EPB41: variants seen among roughly 807,000 people sequenced by gnomAD.
EPB41 encodes the protein erythrocyte membrane protein band 4.1.
A neutral mutation model predicts 108.0 loss-of-function variants in EPB41; 65 were observed. The observed-to-expected ratio is 0.60, with a 90% CI of 0.49 to 0.74. The LOEUF is 0.74. EPB41 is among the 30% of genes least tolerant of loss of function. The pLI, the probability that EPB41 is intolerant of heterozygous loss-of-function variation, is 0.00. For missense variants in EPB41, 875 were observed against 1,037.0 expected, an observed-to-expected ratio of 0.84 and a Z score of 2.15; for synonymous variants, 336 against 358.9, an observed-to-expected ratio of 0.94 and a Z score of 0.72.
At chr1:29,086,519 G>A (rs192301231) in intron 16 of EPB41, among the ~76,000 whole-genome samples, 63 of 152,026 alleles carry the variant, frequency 4.1e-4, no homozygotes, top group African/African-American at 1.4e-3. Flanking sequence ...TGATCCACCC[G>A]CCTCAGCCTC....
intron 1 of EPB41, among the ~76,000 whole-genome samples, chr1:28,906,435 C>T (rs957046011): frequency 6.6e-6 from 1 of 152,140 alleles, no homozygotes; most frequent in African/African-American, 2.4e-5. Context: ...GTTCCCTCCC[C>T]TAGTAAGAGA....
intron 17 of EPB41, among the ~76,000 whole-genome samples, chr1:29,109,071 G>A (rs1375150200): frequency 6.6e-6 from 1 of 151,856 alleles, no homozygotes; most frequent in Non-Finnish European, 1.5e-5. Flanking sequence ...GGTGGTGCAT[G>A]CCTGTAATCC....
chr1:28,962,894 T>A lies in EPB41; in HGVS notation c.-7-24537T>A, dbSNP rs114919774. The stretch of plus-strand genomic sequence containing the variant: ...TCACCACAGATTTTTATGGTTTTTT[T>A]AATAAGGTAAAATTAAATGAGTGTT... On this transcript the variant is annotated intron_variant, in intron 1 of 20. Transcript: ENST00000343067. Among the ~76,000 whole-genome samples, 1,087 of 152,298 alleles carry A rather than the reference T, an allele frequency of 7.1e-3. 16 individuals are homozygous for A. The highest frequency in any genetic ancestry group is 0.023 in the African/African-American group (937 of 41,548).
intron 2 of EPB41, among the ~76,000 whole-genome samples, chr1:28,990,973 A>G (rs949189697): frequency 2.0e-5 from 3 of 152,198 alleles, no homozygotes; most frequent in Admixed American, 2.0e-4. Flanking sequence ...CGATATTGTT[A>G]GTAAAATTTC....
intron 1 of EPB41, among the ~76,000 whole-genome samples, chr1:28,967,713 C>T (rs1053532451): frequency 6.6e-6 from 1 of 151,780 alleles, no homozygotes; most frequent in Non-Finnish European, 1.5e-5. Context: ...TTAAATGATC[C>T]TCCCACCTCA....
At chr1:28,919,747 A>G (rs914754052) in intron 1 of EPB41, among the ~76,000 whole-genome samples, 1 of 152,192 alleles carries the variant, frequency 6.6e-6, no homozygotes, top group Admixed American at 6.6e-5. Context: ...GAGCCACAGC[A>G]TCCAGCCCAA....
intron 1 of EPB41, among the ~76,000 whole-genome samples, chr1:28,966,194 A>C (rs1239618977): frequency 2.6e-5 from 4 of 152,134 alleles, no homozygotes; most frequent in African/African-American, 9.7e-5. Context: ...CTCAAAAAAA[A>C]AAAAAGAAAA....
intron 16 of EPB41, among the ~76,000 whole-genome samples, chr1:29,075,662 T>C (rs909023297): frequency 6.6e-6 from 1 of 152,330 alleles, no homozygotes; most frequent in African/African-American, 2.4e-5. Context: ...TTTTCTTATC[T>C]ACTACCTCTT....
chr1:29,028,668 TG>T (rs2096751513), intron 7 of EPB41, among the ~76,000 whole-genome samples: 1 of 152,196 alleles, frequency 6.6e-6, no homozygotes, highest in South Asian at 2.1e-4. Flanking sequence ...TGTGGTAATG[TG>T]ATCCCTGAGA....
intron 16 of EPB41, among the ~76,000 whole-genome samples, chr1:29,092,070 T>G (rs1056428927): frequency 2.0e-5 from 3 of 151,562 alleles, no homozygotes; most frequent in African/African-American, 7.3e-5. Flanking sequence ...TATTGTTTAC[T>G]CATAGGAACA....
In EPB41 at chr1:28,887,810, C is replaced by T. The variant is rs2089617538; in HGVS notation, c.-8+600C>T. ...CGCGCCAGCCCCACACCCTCCCTGC[C>T]AGGCTTGGTCTAGGGGACTTCCCTC... On this transcript the variant is annotated intron_variant, in intron 1 of 16. Coordinates refer to the EPB41 transcript ENST00000347529. The surrounding 1 kb of genome is among the most constrained non-coding windows in gnomAD (Gnocchi z 4.9). 4 of 407,372 alleles carry T rather than the reference C, an allele frequency of 9.8e-6. No individual in the cohort carries two copies. Among genetic ancestry groups the T allele is most frequent in the South Asian group, 1.0e-4 (1 of 9,918 alleles). The allele number at this position is 407,372 out of a possible 1,614,324, so 25.2% of individuals were successfully genotyped here.
At chr1:28,961,062 T>C (rs1235988953) in intron 1 of EPB41, among the ~76,000 whole-genome samples, 1 of 150,782 alleles carries the variant, frequency 6.6e-6, no homozygotes, top group Non-Finnish European at 1.5e-5. Flanking sequence ...AAAAGATGGC[T>C]ATCACTTTGG....
chr1:29,061,572 G>GGTTTTTTTTT (rs1646542633), intron 15 of EPB41, among the ~76,000 whole-genome samples: 1 of 64,036 alleles, frequency 1.6e-5, no homozygotes, highest in Non-Finnish European at 2.8e-5. Flanking sequence ...CCTGGCCTTT[G>GGTTTTTTTTT]TTTTTTTTTT....
intron 1 of EPB41, among the ~76,000 whole-genome samples, chr1:28,900,245 G>A (rs751571447): frequency 9.2e-5 from 14 of 151,836 alleles, no homozygotes; most frequent in Non-Finnish European, 1.2e-4. Flanking sequence ...GTCAGACAGA[G>A]CTGCCTATTC....
At chr1:29,038,144 A>C (rs1268512348) in intron 10 of EPB41, among the ~76,000 whole-genome samples, 1 of 152,252 alleles carries the variant, frequency 6.6e-6, no homozygotes, top group Admixed American at 6.5e-5. Flanking sequence ...GTCAACGAGA[A>C]GAAAATTCAA....
chr1:28,974,856 G>A (rs922488056), intron 1 of EPB41, among the ~76,000 whole-genome samples: 1 of 151,294 alleles, frequency 6.6e-6, no homozygotes, highest in Non-Finnish European at 1.5e-5. Flanking sequence ...GTGCCGTGGC[G>A]TGATCTTGGC....
rs2089582904 is a variant in EPB41, at chr1:28,887,653, A to G, written c.-8+443A>G. On this transcript the variant is annotated intron_variant, in intron 1 of 16. Coordinates refer to the EPB41 transcript ENST00000347529. This position sits in a 1 kb window ranked among gnomAD's most constrained non-coding sequence, Gnocchi z 4.9. ...GAGCGGGCTGGCGGCTAGCAGCGGG[A>G]GGGGGCTCCGGGGCCTGGAGCCCCG... is the stretch of plus-strand genomic sequence containing the variant. The G allele has an allele frequency of 1.0e-6, 1 of 984,732 alleles. No individual in the cohort carries two copies. Among genetic ancestry groups the G allele is most frequent in the Admixed American group, 6.2e-5 (1 of 16,238 alleles). The allele number at this position is 984,732 out of a possible 1,614,324, so 61.0% of individuals were successfully genotyped here. A position where few individuals can be genotyped will look rare whatever the true frequency, so the allele number is the denominator to read the frequency against.
At chr1:28,891,207 C>T (rs2090079506) in intron 1 of EPB41, among the ~76,000 whole-genome samples, 1 of 152,210 alleles carries the variant, frequency 6.6e-6, no homozygotes, top group African/African-American at 2.4e-5. Context: ...AGTGTAGACA[C>T]TCCTTGACCC....
chr1:28,900,290 C>CTT (rs536156004), intron 1 of EPB41, among the ~76,000 whole-genome samples: 3 of 126,082 alleles, frequency 2.4e-5, no homozygotes, highest in Non-Finnish European at 5.1e-5. Context: ...ACTTCTTCTT[C>CTT]TTTTTTTTTT....
Sources: gnomAD v4.1 joint callset for allele counts (sites outside exome capture counted in the v4.1 genomes callset) on GRCh38, gnomAD v4.1.1 for gene constraint, Gnocchi (gnomAD v3.1) non-coding constraint, MANE v1.5 for transcripts, NCBI Gene and HGNC (gene_info 2026-07-23, HGNC 2026-07-21) for gene names.